WDR25: variants seen among roughly 807,000 people sequenced by gnomAD.
The protein encoded by WDR25 is WD repeat domain 25.
Under a neutral mutation model 47.7 loss-of-function variants are expected in WDR25, and 35 were observed. That is an observed-to-expected ratio of 0.73 (90% CI 0.56 to 0.97). WDR25 has a LOEUF of 0.97. Among genes scored for constraint, WDR25 ranks in the 50% least tolerant of loss-of-function variants. The pLI is 0.00. For synonymous variants in WDR25, 248 were observed against 278.9 expected (o/e 0.89, Z 1.10); for missense variants, 634 against 704.7 (o/e 0.90, Z 1.14).
At position 100,529,373 on chromosome 14, in the gene WDR25, C is replaced by T; in HGVS notation, c.1413+165C>T. The T allele has an allele frequency of 9.3e-7, 1 of 1,078,398 alleles. No homozygotes were observed. Among genetic ancestry groups the T allele is most frequent in the East Asian group, 2.6e-5 (1 of 37,970 alleles). 66.8% of individuals were successfully genotyped at this position (1,078,398 alleles called of 1,614,324 possible). A position where few individuals can be genotyped will look rare whatever the true frequency, so the allele number is the denominator to read the frequency against. ...TGTGGCTCACTGTCTCTTCAAGTCC[C>T]TGAACCACATCTGGTCCTCACCCCA... On this transcript the variant is annotated intron_variant, in intron 6 of 6. Transcript: ENST00000402312. This position sits in a 1 kb window ranked among gnomAD's most constrained non-coding sequence, Gnocchi z 5.1.
At chr14:100,448,656 G>A (rs1321747024) in intron 2 of WDR25, among the ~76,000 whole-genome samples, 1 of 152,114 alleles carries the variant, frequency 6.6e-6, no homozygotes, top group Non-Finnish European at 1.5e-5. Flanking sequence ...GCATGTGGCA[G>A]TCTAGATAAA....
intron 2 of WDR25, among the ~76,000 whole-genome samples, chr14:100,416,881 A>C (rs1232241675): frequency 6.6e-6 from 1 of 152,240 alleles, no homozygotes; most frequent in African/African-American, 2.4e-5. Flanking sequence ...CTTCACAGTC[A>C]TGAGGTACTT....
At chr14:100,483,915 C>A in intron 3 of WDR25, 79 bp from the exon 4 acceptor site, 1 of 1,512,452 alleles carries the variant, frequency 6.6e-7, no homozygotes, top group South Asian at 1.4e-5. Context: ...AGCCCCATAC[C>A]AGATGGCATC....
Position 100,525,820 on chromosome 14 carries a change from C to T in WDR25, c.1102-50C>T, listed in dbSNP as rs761086994. 6.2e-7 allele frequency: 1 copy of T among 1,600,696 alleles called. No homozygotes were observed. Among genetic ancestry groups the T allele is most frequent in the South Asian group, 1.1e-5 (1 of 89,950 alleles). On this transcript the variant is annotated intron_variant, in intron 4 of 6. Transcript: ENST00000402312. This position sits in a 1 kb window ranked among gnomAD's most constrained non-coding sequence, Gnocchi z 4.6. ...GTCCTTGGCCTTCCCTGCATAGGCG[C>T]CTGTCCGTGCTGCCAGGCCTGCCAG...
At chr14:100,434,734 A>G (rs560324643) in intron 2 of WDR25, among the ~76,000 whole-genome samples, 1 of 152,030 alleles carries the variant, frequency 6.6e-6, no homozygotes, top group African/African-American at 2.4e-5. Context: ...TTCCACTCCA[A>G]TCCCTTTTTC....
chr14:100,454,540 C>T (rs1899140040), intron 2 of WDR25: 1 of 986,026 alleles, frequency 1.0e-6, no homozygotes, highest in Non-Finnish European at 1.4e-6. Flanking sequence ...AACAAAACTA[C>T]CTGAAGGTAT....
chr14:100,480,937 C>A, intron 3 of WDR25: 1 of 397,486 alleles, frequency 2.5e-6, no homozygotes. Flanking sequence ...CATGCACCCT[C>A]CCCATTGCCA....
chr14:100,394,003 T>G (rs1897199867), intron 2 of WDR25, among the ~76,000 whole-genome samples: 1 of 152,200 alleles, frequency 6.6e-6, no homozygotes, highest in Non-Finnish European at 1.5e-5. Context: ...GTGAAATAAT[T>G]ATCTCACAGG....
intron 5 of WDR25, among the ~76,000 whole-genome samples, chr14:100,526,766 TACC>T (rs1953453822): frequency 1.2e-5 from 1 of 82,610 alleles, no homozygotes; most frequent in South Asian, 4.7e-4. Context: ...TCATTGTCAC[TACC>T]ACCACTACTA....
At position 100,418,099 on chromosome 14, in the gene WDR25, G is replaced by C. The variant is rs185978274; in HGVS notation, c.822+36353G>C. Among the ~76,000 whole-genome samples the C allele has an allele frequency of 6.2e-3, 935 of 151,632 alleles. 18 individuals carry two copies. The highest frequency in any genetic ancestry group is 0.034 in the Admixed American group (511 of 15,228). On this transcript the variant is annotated intron_variant, in intron 2 of 6. Transcript: ENST00000402312. ...TGGGATTACAGGCACCAACCACCAC[G>C]CCTGGCTAATTTTTGTACTTTTAGT...
rs1391411859 is a variant in WDR25 at position 100,404,676 on chromosome 14, C to T, written c.822+22930C>T. ...GGGGCTCACTGTGTGTGCAAATGTT[C>T]TGTCCCAGTTCAGTCTGCTGACTGG... On this transcript the variant is annotated intron_variant, in intron 2 of 6. Coordinates refer to ENST00000402312, the MANE Select transcript of WDR25 (RefSeq NM_001161476.3). The surrounding 1 kb of genome is among the most constrained non-coding windows in gnomAD (Gnocchi z 4.6). 6.6e-6 allele frequency among the ~76,000 whole-genome samples: 1 copy of T among 152,214 alleles called. No homozygotes were observed. Among genetic ancestry groups the T allele is most frequent in the Non-Finnish European group, 1.5e-5 (1 of 68,036 alleles).
At chr14:100,489,830 TGC>T (rs1193972380) in intron 4 of WDR25, among the ~76,000 whole-genome samples, 1 of 152,200 alleles carries the variant, frequency 6.6e-6, no homozygotes, top group African/African-American at 2.4e-5. Context: ...CAGAGAAGGC[TGC>T]ACCTCTAAAA....
intron 4 of WDR25, among the ~76,000 whole-genome samples, chr14:100,507,843 A>G (rs1215095031): frequency 6.6e-6 from 1 of 152,148 alleles, no homozygotes; most frequent in African/African-American, 2.4e-5. Context: ...AGGGTTTTCT[A>G]AATATTGAAT....
rs921338662 is a variant in WDR25 at position 100,407,622 on chromosome 14, A to C, written c.822+25876A>C. On this transcript the variant is annotated intron_variant, in intron 2 of 6. Coordinates refer to ENST00000402312, the MANE Select transcript of WDR25 (RefSeq NM_001161476.3). The surrounding 1 kb of genome is among the most constrained non-coding windows in gnomAD (Gnocchi z 4.1). Reference sequence around the variant, plus strand: ...CATGCAGATCAAGGAAGACCTGTAGACTACATGCACCCTGGCGCTCTGGGT... The same window carrying C: ...CATGCAGATCAAGGAAGACCTGTAGCCTACATGCACCCTGGCGCTCTGGGT... The C allele has an allele frequency of 2.6e-5, 4 of 152,144 alleles. No homozygotes were observed. The highest frequency in any genetic ancestry group is 5.9e-5 in the Non-Finnish European group (4 of 68,022). 9.4% of individuals were successfully genotyped at this position (152,144 alleles called of 1,614,324 possible).
At chr14:100,486,402 C>T (rs1306891759) in intron 4 of WDR25, among the ~76,000 whole-genome samples, 8 of 152,154 alleles carry the variant, frequency 5.3e-5, no homozygotes, top group Non-Finnish European at 7.3e-5. Context: ...GGCATGTTTG[C>T]GAGTCTCTCC....
At position 100,529,763 on chromosome 14, in the gene WDR25, A is replaced by T; in HGVS notation, c.1414-57A>T. 1 of 1,562,610 alleles carries T rather than the reference A, an allele frequency of 6.4e-7. No homozygotes were observed. Among genetic ancestry groups the T allele is most frequent in the Non-Finnish European group, 8.7e-7 (1 of 1,150,754 alleles). ...CAGCCTGCTCCTCTGTAGAATGGGC[A>T]TACTCACCCCGGCTTGACAGGTGCG... On this transcript the variant is annotated intron_variant, in intron 6 of 6. Coordinates refer to ENST00000402312, the MANE Select transcript of WDR25 (RefSeq NM_001161476.3). This position sits in a 1 kb window ranked among gnomAD's most constrained non-coding sequence, Gnocchi z 5.1.
chr14:100,383,846 G>C (rs1397288772), intron 2 of WDR25, among the ~76,000 whole-genome samples: 3 of 152,234 alleles, frequency 2.0e-5, no homozygotes, highest in Admixed American at 1.3e-4. Flanking sequence ...CCAACTAACT[G>C]TGACACCTCA....
chr14:100,406,824 A>G (rs1213539568), intron 2 of WDR25: 1 of 152,380 alleles, frequency 6.6e-6, no homozygotes, highest in Non-Finnish European at 1.5e-5. Context: ...AAGACACACC[A>G]TGGGGATAGA....
chr14:100,516,106 G>A (rs1316798533), intron 4 of WDR25, among the ~76,000 whole-genome samples: 1 of 151,584 alleles, frequency 6.6e-6, no homozygotes, highest in Non-Finnish European at 1.5e-5. Flanking sequence ...GTATTTTGTT[G>A]TGCTTTACAT....
Sources: allele counts gnomAD v4.1 joint callset (sites outside exome capture counted in the v4.1 genomes callset), GRCh38; gene constraint gnomAD v4.1.1; non-coding constraint Gnocchi (gnomAD v3.1); transcripts MANE v1.5; gene names NCBI Gene and HGNC (gene_info 2026-07-23, HGNC 2026-07-21).